Variants in ANKH observed in about 807,000 individuals in gnomAD.
The protein encoded by ANKH is mineralization regulator ANKH.
A neutral mutation model predicts 49.0 loss-of-function variants in ANKH; 15 were observed. The ratio of observed to expected loss-of-function variants is 0.31; its 90% confidence interval spans 0.20 to 0.47. The LOEUF is 0.47. Among genes scored for constraint, ANKH ranks in the 20% least tolerant of loss-of-function variants. The pLI is 1.00. For missense variants in ANKH, 429 were observed against 652.0 expected, an observed-to-expected ratio of 0.66 and a Z score of 3.72; for synonymous variants, 273 against 260.0, an observed-to-expected ratio of 1.05 and a Z score of -0.48.
At chr5:14,746,121 C>T (rs991599608) in intron 6 of ANKH, among the ~76,000 whole-genome samples, 159 bp from the exon 7 acceptor site, 33 of 151,970 alleles carry the variant, frequency 2.2e-4, no homozygotes, top group Non-Finnish European at 3.8e-4. Flanking sequence ...CGGCCCAGGA[C>T]GGGGGGAACT....
chr5:14,736,047 A>C (rs1465142669), intron 8 of ANKH, among the ~76,000 whole-genome samples: 1 of 132,644 alleles, frequency 7.5e-6, no homozygotes. Flanking sequence ...TTAAAGAATC[A>C]GATCCTTAAA....
chr5:14,868,281 A>G (rs1735710222), intron 1 of ANKH: 2 of 152,196 alleles, frequency 1.3e-5, no homozygotes, highest in African/African-American at 4.8e-5. Flanking sequence ...TGTGATATTT[A>G]TCATCATAAA....
intron 1 of ANKH, among the ~76,000 whole-genome samples, chr5:14,781,382 A>G (rs2126530203): frequency 6.6e-6 from 1 of 152,296 alleles, no homozygotes; most frequent in East Asian, 1.9e-4. Flanking sequence ...AAACCCCAAG[A>G]CAACATTGGG....
At chr5:14,731,580 G>A (rs529632612) in intron 8 of ANKH, among the ~76,000 whole-genome samples, 1 of 152,310 alleles carries the variant, frequency 6.6e-6, no homozygotes, top group East Asian at 1.9e-4. Flanking sequence ...ACTGACAAGA[G>A]GGAGAAAAGC....
Position 14,767,239 on chromosome 5 carries a change from C to T in ANKH, c.313+1736G>A, listed in dbSNP as rs78117465. ...AGGCAGAAAGGTGAACAAAGATGCC[C>T]GACGTAGCAGATGGCAAAGGCAAGA... On this transcript the variant is annotated intron_variant, in intron 2 of 11. Transcript: ENST00000284268. 8.8e-3 allele frequency among the ~76,000 whole-genome samples: 1,339 copies of T among 152,038 alleles called. 21 individuals are homozygous for T. Among genetic ancestry groups the T allele is most frequent in the African/African-American group, 0.031 (1,286 of 41,450 alleles).
At chr5:14,743,085 T>G (rs1173719351) in intron 7 of ANKH, among the ~76,000 whole-genome samples, 2 of 152,188 alleles carry the variant, frequency 1.3e-5, no homozygotes, top group African/African-American at 4.8e-5. Context: ...GAGGCTAAGG[T>G]CATTTCTCAA....
rs770705338 is a variant in ANKH, at chr5:14,745,907, A to G, written c.878T>C (p.Leu293Ser). Residue 293 changes from leucine (L) to serine (S), a missense_variant, in exon 7 of 12, where the codon TTG (leucine) becomes TCG (serine). Coordinates refer to ENST00000284268, the MANE Select transcript of ANKH (RefSeq NM_054027.6). The surrounding 1 kb of genome is among the most constrained non-coding windows in gnomAD (Gnocchi z 4.7). ...YPVGHMPYGW[L>S]TEIRAVYPAF... Reference sequence around the variant, plus strand: ...AGGATACACAGCACGGATTTCCGTCAACCAGCCGTATGGCATGTGACCCAC... The same window carrying G: ...AGGATACACAGCACGGATTTCCGTCGACCAGCCGTATGGCATGTGACCCAC... 7 of 1,614,248 alleles carry G rather than the reference A, an allele frequency of 4.3e-6. No homozygotes were observed. Among genetic ancestry groups the G allele is most frequent in the Non-Finnish European group, 5.9e-6 (7 of 1,180,040 alleles).
chr5:14,720,133 A>C (rs1737614450), intron 8 of ANKH, among the ~76,000 whole-genome samples: 1 of 152,186 alleles, frequency 6.6e-6, no homozygotes, highest in Admixed American at 6.5e-5. Context: ...CTGGAGATCT[A>C]TTATAAATAT....
At chr5:14,793,080 A>C (rs1156737415) in intron 1 of ANKH, among the ~76,000 whole-genome samples, 1 of 115,606 alleles carries the variant, frequency 8.7e-6, no homozygotes, top group African/African-American at 3.8e-5. Flanking sequence ...AATATATAAA[A>C]ATATATATAT....
rs143894330 is a variant in ANKH at position 14,765,816 on chromosome 5, G to A, written c.313+3159C>T. On this transcript the variant is annotated intron_variant, in intron 2 of 11. Coordinates refer to ENST00000284268, the MANE Select transcript of ANKH (RefSeq NM_054027.6). Reference sequence around the variant, plus strand: ...AACTGATGCACAGAGGGGACACTGCGTTAGTGAAAGTGAGAAGCTACATCT... The same window carrying A: ...AACTGATGCACAGAGGGGACACTGCATTAGTGAAAGTGAGAAGCTACATCT... Among the ~76,000 whole-genome samples the A allele has an allele frequency of 4.3e-3, 651 of 152,316 alleles. 1 individual carries two copies. Among genetic ancestry groups the A allele is most frequent in the Middle Eastern group, 0.01 (3 of 294 alleles).
intron 6 of ANKH, among the ~76,000 whole-genome samples, chr5:14,748,268 C>T (rs923717569): frequency 6.6e-6 from 1 of 152,186 alleles, no homozygotes; most frequent in African/African-American, 2.4e-5. Context: ...CAAGAGAAAG[C>T]GTTCTGCTTT....
At chr5:14,784,267 T>C (rs1739901750) in intron 1 of ANKH, among the ~76,000 whole-genome samples, 1 of 152,162 alleles carries the variant, frequency 6.6e-6, no homozygotes, top group South Asian at 2.1e-4. Flanking sequence ...GATAAGGAAA[T>C]TGAGGCTCAA....
intron 1 of ANKH, among the ~76,000 whole-genome samples, chr5:14,827,339 C>A (rs1282124531): frequency 6.6e-6 from 1 of 152,192 alleles, no homozygotes; most frequent in Non-Finnish European, 1.5e-5. Flanking sequence ...AAGTGATCTG[C>A]CTCAGGTGCA....
At chr5:14,830,483 G>T (rs1741470052) in intron 1 of ANKH, among the ~76,000 whole-genome samples, 4 of 150,780 alleles carry the variant, frequency 2.7e-5, no homozygotes. Context: ...TGATGGCTTG[G>T]ATATTTAAAT....
intron 1 of ANKH, among the ~76,000 whole-genome samples, chr5:14,862,895 G>A (rs1431785901): frequency 6.6e-6 from 1 of 152,152 alleles, no homozygotes; most frequent in Non-Finnish European, 1.5e-5. Flanking sequence ...AGGAAAACGA[G>A]TGTCATGAAG....
chr5:14,868,251 T>C (rs531065253), intron 1 of ANKH, among the ~76,000 whole-genome samples: 1 of 152,310 alleles, frequency 6.6e-6, no homozygotes, highest in African/African-American at 2.4e-5. Flanking sequence ...CTGTACATGT[T>C]TTTAAAAGAA....
intron 1 of ANKH, chr5:14,868,776 A>C (rs962930001): frequency 6.6e-6 from 1 of 151,524 alleles, no homozygotes; most frequent in African/African-American, 2.4e-5. Flanking sequence ...TCCTGAGCTC[A>C]AGCGATCCTC....
chr5:14,708,128 C>T lies in ANKH; in HGVS notation c.*3069G>A, dbSNP rs1737011524. On this transcript the variant is annotated 3_prime_UTR_variant, in exon 12 of 12. Coordinates refer to ENST00000284268, the MANE Select transcript of ANKH (RefSeq NM_054027.6). ...ACTGACGCCCTTTGCCACTGAGATCCCTGTAAGTCACTACAGAACAAATGG... is the reference window on the plus strand; with the variant it reads ...ACTGACGCCCTTTGCCACTGAGATCTCTGTAAGTCACTACAGAACAAATGG... The T allele has an allele frequency of 6.6e-6, 1 of 152,190 alleles. No individual in the cohort carries two copies. Among genetic ancestry groups the T allele is most frequent in the African/African-American group, 2.4e-5 (1 of 41,436 alleles). The allele number at this position is 152,190 out of a possible 1,614,324, so 9.4% of individuals were successfully genotyped here.
At chr5:14,749,119 C>G in intron 6 of ANKH, 53 bp downstream of exon 6, 1 of 1,612,906 alleles carries the variant, frequency 6.2e-7, no homozygotes, top group South Asian at 1.1e-5. Context: ...TTTCAGCACC[C>G]CCCTGCCCCA....
Sources: gnomAD v4.1 joint callset for allele counts (sites outside exome capture counted in the v4.1 genomes callset) on GRCh38, gnomAD v4.1.1 for gene constraint, Gnocchi (gnomAD v3.1) non-coding constraint, MANE v1.5 for transcripts, NCBI Gene and HGNC (gene_info 2026-07-23, HGNC 2026-07-21) for gene names.